Variants in ADGRA3 observed in about 807,000 individuals in gnomAD.
The protein encoded by ADGRA3 is G-protein coupled receptor 125.
ADGRA3 carries 56 observed loss-of-function variants against 119.8 expected under a neutral mutation model. The observed-to-expected ratio is 0.47, with a 90% CI of 0.38 to 0.58. The LOEUF is 0.58. ADGRA3 is among the 20% of genes least tolerant of loss of function. The probability of loss-of-function intolerance (pLI) is 0.00; values close to 1 mark genes in which losing one functional copy is unlikely to be tolerated. For synonymous variants in ADGRA3, 607 were observed against 623.8 expected (o/e 0.97, Z 0.40); for missense variants, 1,516 against 1,649.0 (o/e 0.92, Z 1.40).
chr4:22,447,820 G>C (rs994348668), intron 4 of ADGRA3, among the ~76,000 whole-genome samples: 4 of 152,076 alleles, frequency 2.6e-5, no homozygotes, highest in African/African-American at 4.8e-5. Context: ...AGAATTACTC[G>C]AAGGGTTCAC....
chr4:22,493,830 G>C (rs1179141897), intron 1 of ADGRA3, among the ~76,000 whole-genome samples: 1 of 152,096 alleles, frequency 6.6e-6, no homozygotes, highest in Non-Finnish European at 1.5e-5. Flanking sequence ...TAAGATACAG[G>C]TCATAAAAAA....
chr4:22,449,861 A>T (rs1427609587), intron 4 of ADGRA3, among the ~76,000 whole-genome samples: 1 of 150,670 alleles, frequency 6.6e-6, no homozygotes, highest in Non-Finnish European at 1.5e-5. Context: ...AAAAAAAAAA[A>T]TGAATTGCAT....
chr4:22,400,679 T>C (rs1714592684), intron 16 of ADGRA3, among the ~76,000 whole-genome samples: 1 of 151,860 alleles, frequency 6.6e-6, no homozygotes, highest in Non-Finnish European at 1.5e-5. Flanking sequence ...TTTACAGAGA[T>C]CACATGTTAT....
At chr4:22,435,541 T>C in intron 9 of ADGRA3, 75 bp from the exon 10 acceptor site, 1 of 1,317,596 alleles carries the variant, frequency 7.6e-7, no homozygotes, top group Non-Finnish European at 1.0e-6. Context: ...ACATTTTAAC[T>C]TTGCATTTCA....
chr4:22,494,132 G>A (rs61793376), intron 1 of ADGRA3, among the ~76,000 whole-genome samples: 21,089 of 151,246 alleles, frequency 0.14, 1,701 homozygotes, highest in East Asian at 0.27. Context: ...TTAAACCTGG[G>A]AGGCGGAGGT....
Position 22,413,640 on chromosome 4 carries a change from G to GT in ADGRA3, c.1983dup (p.Arg662ThrfsTer26). 6.2e-7 allele frequency: 1 copy of GT among 1,613,938 alleles called. No homozygotes were observed. The highest frequency in any genetic ancestry group is 8.5e-7 in the Non-Finnish European group (1 of 1,179,904). On this transcript the variant is annotated frameshift_variant, in exon 13 of 19. Coordinates refer to ENST00000334304, the MANE Select transcript of ADGRA3 (RefSeq NM_145290.4). LOFTEE classifies it high-confidence loss of function. ...ATCACAGGGGTAACCACAGTACGTC[G>GT]TTTTCCATCATCAGCCAAATTTGTT...
chr4:22,475,593 G>T (rs768427406), intron 1 of ADGRA3, among the ~76,000 whole-genome samples: 7 of 152,132 alleles, frequency 4.6e-5, no homozygotes, highest in Non-Finnish European at 1.0e-4. Context: ...CGGGCGTAGT[G>T]GTGGGCACCT....
At chr4:22,441,779 C>A (rs532995982) in intron 7 of ADGRA3, among the ~76,000 whole-genome samples, 14 of 152,130 alleles carry the variant, frequency 9.2e-5, no homozygotes, top group Non-Finnish European at 1.9e-4. Flanking sequence ...AAAGCATCTA[C>A]TCTAAATGTT....
intron 11 of ADGRA3, among the ~76,000 whole-genome samples, chr4:22,422,086 A>G (rs1394052976): frequency 3.3e-5 from 5 of 152,046 alleles, no homozygotes; most frequent in African/African-American, 1.2e-4. Flanking sequence ...TGGAGGACAG[A>G]GTGGGCGTGA....
intron 4 of ADGRA3, among the ~76,000 whole-genome samples, chr4:22,449,652 G>A (rs991488411): frequency 6.6e-6 from 1 of 152,064 alleles, no homozygotes; most frequent in South Asian, 2.1e-4. Context: ...TTTGAGACCA[G>A]CCTGGCCAAC....
intron 2 of ADGRA3, among the ~76,000 whole-genome samples, chr4:22,471,456 T>C (rs557591014): frequency 6.6e-6 from 1 of 152,054 alleles, no homozygotes; most frequent in Non-Finnish European, 1.5e-5. Flanking sequence ...GAAGTATAAA[T>C]GGGTAAAAAA....
At chr4:22,487,948 GCTTGGGGTGCCGGAT>G (rs1250639388) in intron 1 of ADGRA3, among the ~76,000 whole-genome samples, 3 of 152,052 alleles carry the variant, frequency 2.0e-5, no homozygotes, top group Non-Finnish European at 4.4e-5. Flanking sequence ...TGAAGCCAGA[GCTTGGGGTGCCGGAT>G]GTTGGGGTGC....
intron 2 of ADGRA3, among the ~76,000 whole-genome samples, chr4:22,468,764 G>A (rs532030956): frequency 1.5e-3 from 213 of 146,582 alleles, no homozygotes; most frequent in African/African-American, 5.2e-3. Flanking sequence ...GTAAGACTCT[G>A]TCTCAAAAAA....
At chr4:22,511,274 G>C (rs73114193) in intron 1 of ADGRA3, among the ~76,000 whole-genome samples, 19,694 of 152,048 alleles carry the variant, frequency 0.13, 1,541 homozygotes, top group East Asian at 0.35. Flanking sequence ...CAGAAATACA[G>C]TAAATAAGTA....
rs1395727548 is a variant in ADGRA3 at position 22,436,626 on chromosome 4, C to T, written c.1101G>A (p.Leu367=). 2.5e-6 allele frequency: 4 copies of T among 1,613,818 alleles called. No individual in the cohort carries two copies. The highest frequency in any genetic ancestry group is 3.4e-6 in the Non-Finnish European group (4 of 1,179,928). The part of the protein sequence containing the change: ...NKGDFRWPRT[L]AGITAYLQCT... ...ACTGCAGATATGCAGTAATGCCTGC[C>T]AATGTTCTGGGCCATCTAGAGATGA... The change falls in exon 9 of 19, where the codon TTG becomes TTA. Residue 367 remains leucine (L), a synonymous_variant. Transcript: ENST00000334304.
chr4:22,394,080 T>C (rs1714250636), intron 16 of ADGRA3: 1 of 152,216 alleles, frequency 6.6e-6, no homozygotes, highest in Admixed American at 6.5e-5. Context: ...CCAGCTTTCT[T>C]AACCAGTAAC....
At chr4:22,507,236 T>C (rs1463723784) in intron 1 of ADGRA3, among the ~76,000 whole-genome samples, 1 of 151,692 alleles carries the variant, frequency 6.6e-6, no homozygotes, top group African/African-American at 2.4e-5. Context: ...CAAGATTCCA[T>C]CTCAAAAAAA....
At chr4:22,416,315 G>C (rs1227217163) in intron 12 of ADGRA3, among the ~76,000 whole-genome samples, 2 of 152,164 alleles carry the variant, frequency 1.3e-5, no homozygotes, top group Non-Finnish European at 2.9e-5. Flanking sequence ...AGGTAATAAA[G>C]TAGAAAAATC....
intron 1 of ADGRA3, among the ~76,000 whole-genome samples, chr4:22,503,094 G>A (rs1168043200): frequency 6.6e-6 from 1 of 152,096 alleles, no homozygotes; most frequent in Non-Finnish European, 1.5e-5. Flanking sequence ...ACAGGAGGTA[G>A]GAGGTGGTCC....
Sources: allele counts gnomAD v4.1 joint callset (sites outside exome capture counted in the v4.1 genomes callset), GRCh38; gene constraint gnomAD v4.1.1; transcripts MANE v1.5; gene names NCBI Gene and HGNC (gene_info 2026-07-23, HGNC 2026-07-21).